CIITA: variants seen among roughly 807,000 people sequenced by gnomAD.
CIITA encodes the protein class II major histocompatibility complex transactivator.
Under a neutral mutation model 115.1 loss-of-function variants are expected in CIITA, and 72 were observed. The ratio of observed to expected loss-of-function variants is 0.63; its 90% CI spans 0.52 to 0.76. The LOEUF is 0.76. CIITA is among the 30% of genes least tolerant of loss of function. The probability of loss-of-function intolerance (pLI) is 0.00; values close to 1 mark genes in which losing one functional copy is unlikely to be tolerated. For synonymous variants in CIITA, 763 were observed against 635.6 expected, an observed-to-expected ratio of 1.20 and a Z score of -3.02; for missense variants, 1,617 against 1,463.8, an observed-to-expected ratio of 1.10 and a Z score of -1.71.
In CIITA at chr16:10,879,455, G is replaced by C. The variant is rs2036189580; in HGVS notation, c.52+2073G>C. 6.6e-6 allele frequency among the ~76,000 whole-genome samples: 1 copy of C among 152,234 alleles called. No individual in the cohort carries two copies. The highest frequency in any genetic ancestry group is 6.5e-5 in the Admixed American group (1 of 15,288). On this transcript the variant is annotated intron_variant, in intron 1 of 19. Transcript: ENST00000324288. This position sits in a 1 kb window ranked among gnomAD's most constrained non-coding sequence, Gnocchi z 4.3. Reference sequence around the variant, plus strand: ...CTTTGGACCAGGGCCGCCGTTCCCTGAGCTTCACTTTCCCTGTTGGGTCAT... The same window carrying C: ...CTTTGGACCAGGGCCGCCGTTCCCTCAGCTTCACTTTCCCTGTTGGGTCAT...
At chr16:10,937,059 C>G (rs2041038512), downstream of CIITA, 1 of 152,196 alleles carries the variant, frequency 6.6e-6, no homozygotes, top group South Asian at 2.1e-4. The surrounding 1 kb of genome is among the most constrained non-coding windows in gnomAD (Gnocchi z 4.2). Context: ...TAATTCAGGG[C>G]TAAGAGAGCA....
chr16:10,927,923 C>T lies in CIITA; in HGVS notation c.*4068C>T, dbSNP rs2040599729. 6.6e-6 allele frequency: 1 copy of T among 152,202 alleles called. No individual in the cohort carries two copies. Among genetic ancestry groups the T allele is most frequent in the Non-Finnish European group, 1.5e-5 (1 of 68,060 alleles). 9.4% of individuals were successfully genotyped at this position (152,202 alleles called of 1,614,324 possible). A position where few individuals can be genotyped will look rare whatever the true frequency, so the allele number is the denominator to read the frequency against. On this transcript the variant is annotated 3_prime_UTR_variant, in exon 20 of 20. Transcript: ENST00000324288. The stretch of plus-strand genomic sequence containing the variant: ...TCGGAGGAATCAGGGCATGATAGTG[C>T]AATTCCATGTCCAGTGGATTGTAAG...
chr16:10,910,615 C>T (rs2039495065), intron 13 of CIITA, among the ~76,000 whole-genome samples: 1 of 152,192 alleles, frequency 6.6e-6, no homozygotes, highest in African/African-American at 2.4e-5. Flanking sequence ...GATATCTGCA[C>T]TGAAGCTTCA....
intron 15 of CIITA, chr16:10,917,002 A>G: frequency 4.1e-6 from 1 of 243,188 alleles, no homozygotes; most frequent in Non-Finnish European, 8.1e-6. Context: ...GTAATTATAA[A>G]GTATACAGTA....
intron 5 of CIITA, among the ~76,000 whole-genome samples, chr16:10,900,698 C>T (rs2038651607): frequency 6.6e-6 from 1 of 151,792 alleles, no homozygotes; most frequent in South Asian, 2.1e-4. Flanking sequence ...CAAGATTGCG[C>T]CAGTGCACTC....
rs2040431131 is a variant in CIITA, at chr16:10,924,219, A to T, written c.*364A>T. On this transcript the variant is annotated 3_prime_UTR_variant, in exon 20 of 20. Transcript: ENST00000324288. ...CATTCTGCCTGCCCAGGCCCCTGCC[A>T]CCCTGGGGAGAAAGTACTTCTTTTT... is the stretch of plus-strand genomic sequence containing the variant. The T allele has an allele frequency of 1.3e-5, 2 of 152,294 alleles. No individual in the cohort carries two copies. The highest frequency in any genetic ancestry group is 4.1e-4 in the South Asian group (2 of 4,828). The allele number at this position is 152,294 out of a possible 1,614,324, so 9.4% of individuals were successfully genotyped here.
At chr16:10,906,019 T>A (rs756737161) in intron 10 of CIITA, among the ~76,000 whole-genome samples, 8 of 151,944 alleles carry the variant, frequency 5.3e-5, no homozygotes, top group Non-Finnish European at 1.2e-4. Context: ...AGAACTTATC[T>A]CCACAAAAAA....
Position 10,907,577 on chromosome 16 carries a change from C to G in CIITA, c.2085C>G (p.Val695=). The G allele has an allele frequency of 6.2e-7, 1 of 1,614,180 alleles. No individual in the cohort carries two copies. Among genetic ancestry groups the G allele is most frequent in the South Asian group, 1.1e-5 (1 of 91,076 alleles). ...CCTGGGCGATGGCCAAAGGCTTAGT[C>G]CAACACCCACCGCGGGCCGCAGAGT... ...VRTWAMAKGL[V]QHPPRAAESE... is the part of the protein sequence containing the mutation. The change falls in exon 11 of 20, where the codon GTC becomes GTG. Residue 695 remains valine, a synonymous_variant. Transcript: ENST00000324288. This position sits in a 1 kb window ranked among gnomAD's most constrained non-coding sequence, Gnocchi z 5.0.
chr16:10,921,085 C>T (rs1021997004), intron 16 of CIITA, among the ~76,000 whole-genome samples: 2 of 152,186 alleles, frequency 1.3e-5, no homozygotes, highest in Non-Finnish European at 2.9e-5. Flanking sequence ...TCAGGCTGGT[C>T]TCAAACTCCC....
At chr16:10,900,785 T>C (rs543281598) in intron 5 of CIITA, among the ~76,000 whole-genome samples, 1 of 152,028 alleles carries the variant, frequency 6.6e-6, no homozygotes, top group African/African-American at 2.4e-5. Flanking sequence ...AGTGAAAGAA[T>C]GGTACTATGA....
intron 1 of CIITA, among the ~76,000 whole-genome samples, chr16:10,881,379 CAA>C (rs921605551): frequency 4.6e-5 from 7 of 152,084 alleles, no homozygotes; most frequent in Admixed American, 2.0e-4. Context: ...CACACACAGT[CAA>C]AAGACAGTTC....
chr16:10,888,116 G>T (rs761079153), intron 1 of CIITA, among the ~76,000 whole-genome samples: 6 of 152,110 alleles, frequency 3.9e-5, no homozygotes, highest in Non-Finnish European at 8.8e-5. Context: ...AATAAAAATG[G>T]TCATCACGCA....
intron 1 of CIITA, among the ~76,000 whole-genome samples, chr16:10,871,765 A>AG (rs1555493173): frequency 6.6e-6 from 1 of 152,082 alleles, no homozygotes; most frequent in Non-Finnish European, 1.5e-5. Flanking sequence ...TGCCTCAGGG[A>AG]GGGGGATGTG....
chr16:10,918,302 G>A, intron 15 of CIITA, 138 bp from the exon 16 acceptor site: 1 of 838,724 alleles, frequency 1.2e-6, no homozygotes, highest in East Asian at 2.4e-5. Context: ...GGACCTAACA[G>A]TATCCTCCTA....
At chr16:10,873,807 A>G (rs576395812), upstream of CIITA, among the ~76,000 whole-genome samples, 9 of 151,996 alleles carry the variant, frequency 5.9e-5, no homozygotes, top group Non-Finnish European at 1.2e-4. Flanking sequence ...CTGACTCGAG[A>G]CAAATAAATT....
rs1291441981 is a variant in CIITA, at chr16:10,914,226, A to C, written c.2889-1344A>C. Among the ~76,000 whole-genome samples the C allele has an allele frequency of 3.9e-5, 6 of 152,096 alleles. No individual in the cohort carries two copies. The East Asian group carries it at 1.2e-3, about 29-fold the overall frequency. On this transcript the variant is annotated intron_variant, in intron 13 of 19. Coordinates refer to ENST00000324288, the MANE Select transcript of CIITA (RefSeq NM_000246.4). ...ATGCCTTAATCCAAGAACCCCCATAAGATTGGGGTGAAATATTTGAGGAGA... is the reference window on the plus strand; with the variant it reads ...ATGCCTTAATCCAAGAACCCCCATACGATTGGGGTGAAATATTTGAGGAGA...
rs2041102381 is a variant in CIITA at position 10,941,542 on chromosome 16, C to G, written n.668C>G. 18 of 1,431,224 alleles carry G rather than the reference C, an allele frequency of 1.3e-5. No individual in the cohort carries two copies. Among genetic ancestry groups the G allele is most frequent in the Non-Finnish European group, 1.7e-5 (18 of 1,089,996 alleles). The allele number at this position is 1,431,224 out of a possible 1,614,324, so 88.7% of individuals were successfully genotyped here. ...TCCCTTGCTAGCGCCCCAACCCGCC[C>G]TCATCCTGTTCAGAGAGGGCACTTA... is the stretch of plus-strand genomic sequence containing the variant. On this transcript the variant is annotated non_coding_transcript_exon_variant, in exon 2 of 2. Coordinates refer to the CIITA transcript ENST00000573379. This position sits in a 1 kb window ranked among gnomAD's most constrained non-coding sequence, Gnocchi z 6.4.
intron 13 of CIITA, among the ~76,000 whole-genome samples, chr16:10,914,494 C>T (rs140252278): frequency 1.1e-4 from 17 of 152,288 alleles, no homozygotes; most frequent in Admixed American, 1.0e-3. Flanking sequence ...ACTGCTGGCA[C>T]CATAATTTTA....
intron 1 of CIITA, among the ~76,000 whole-genome samples, 183 bp downstream of exon 1, chr16:10,877,565 G>A (rs1194004465): frequency 1.3e-5 from 2 of 152,214 alleles, no homozygotes; most frequent in Admixed American, 1.3e-4. Flanking sequence ...CCACCGGAGG[G>A]AGACTTCAGG....
Sources: allele counts gnomAD v4.1 joint callset (sites outside exome capture counted in the v4.1 genomes callset), GRCh38; gene constraint gnomAD v4.1.1; non-coding constraint Gnocchi (gnomAD v3.1); transcripts MANE v1.5; gene names NCBI Gene and HGNC (gene_info 2026-07-23, HGNC 2026-07-21).